Variants in KCNN2 observed in about 807,000 individuals in gnomAD.
The protein encoded by KCNN2 is potassium calcium-activated channel subfamily N member 2, also known as small conductance calcium-activated potassium channel protein 2.
Under a neutral mutation model 55.5 loss-of-function variants are expected in KCNN2, and 24 were observed. That is an observed-to-expected ratio of 0.43 (90% confidence interval 0.31 to 0.61). KCNN2 has a LOEUF of 0.61. Ranked by LOEUF, KCNN2 falls within the 20% of genes least tolerant of loss-of-function variation. The pLI is 0.08. For missense variants in KCNN2, 754 were observed against 853.6 expected (o/e 0.88, Z 1.45); for synonymous variants, 431 against 336.1 (o/e 1.28, Z -3.09).
At chr5:114,321,475 A>G (rs529770960) in intron 2 of KCNN2, among the ~76,000 whole-genome samples, 12 of 152,290 alleles carry the variant, frequency 7.9e-5, no homozygotes, top group South Asian at 6.2e-4. Context: ...TCTTTTGTCT[A>G]TAAGTAGCTC....
chr5:114,073,014 G>A (rs1750608528), intron 1 of KCNN2, among the ~76,000 whole-genome samples: 2 of 152,184 alleles, frequency 1.3e-5, no homozygotes, highest in East Asian at 1.9e-4. Flanking sequence ...ATTTTTCTCT[G>A]GTCATTCATG....
chr5:114,301,421 G>T (rs190843136), intron 2 of KCNN2, among the ~76,000 whole-genome samples: 1 of 152,090 alleles, frequency 6.6e-6, no homozygotes, highest in African/African-American at 2.4e-5. Flanking sequence ...CCTCCCGAGC[G>T]CATGTTTCTT....
intron 1 of KCNN2, among the ~76,000 whole-genome samples, chr5:114,082,373 A>G (rs2112542318): frequency 6.6e-6 from 1 of 152,252 alleles, no homozygotes; most frequent in East Asian, 1.9e-4. Context: ...TCACTAGGGA[A>G]ATGTGAATCA....
chr5:114,209,007 C>G (rs1271016454), intron 1 of KCNN2, among the ~76,000 whole-genome samples: 1 of 151,948 alleles, frequency 6.6e-6, no homozygotes, highest in Non-Finnish European at 1.5e-5. Flanking sequence ...ATCACATTCA[C>G]TCCTTATCTT....
chr5:114,372,863 A>C (rs992297082), intron 2 of KCNN2, among the ~76,000 whole-genome samples: 6 of 152,148 alleles, frequency 3.9e-5, no homozygotes, highest in East Asian at 3.8e-4. Flanking sequence ...TTATGTAGAT[A>C]TAATCAATTT....
chr5:114,448,387 G>T (rs1456043760), intron 3 of KCNN2, among the ~76,000 whole-genome samples: 2 of 152,180 alleles, frequency 1.3e-5, no homozygotes, highest in Admixed American at 6.5e-5. Context: ...TCACTACACT[G>T]TGCTCCTCCT....
intron 2 of KCNN2, among the ~76,000 whole-genome samples, chr5:114,376,701 C>G (rs1757958806): frequency 6.6e-6 from 1 of 152,120 alleles, no homozygotes; most frequent in South Asian, 2.1e-4. Context: ...GATTTTTAAT[C>G]TTTTTCTTAA....
intron 2 of KCNN2, among the ~76,000 whole-genome samples, chr5:114,399,037 T>G (rs973608324): frequency 5.9e-5 from 9 of 152,210 alleles, no homozygotes; most frequent in African/African-American, 2.2e-4. Flanking sequence ...ATTTTATTTC[T>G]TTCTCTTACA....
chr5:114,195,376 G>T (rs1580608608), intron 1 of KCNN2, among the ~76,000 whole-genome samples: 1 of 151,874 alleles, frequency 6.6e-6, no homozygotes, highest in Admixed American at 6.6e-5. Context: ...AACAATATTT[G>T]TAGTTTTAAG....
At position 114,348,934 on chromosome 5, in the gene KCNN2, A is replaced by T. The variant is rs1392227407; in HGVS notation, c.-184-12011A>T. On this transcript the variant is annotated intron_variant, in intron 2 of 10. Transcript: ENST00000512097. The stretch of plus-strand genomic sequence containing the variant: ...TTTACATACACCATACAATCTACCC[A>T]TTTAAAGTGTATAAATCAATAGTTT... Among the ~76,000 whole-genome samples, 4 of 152,256 alleles carry T rather than the reference A, an allele frequency of 2.6e-5. No individual in the cohort carries two copies. In the East Asian group the frequency reaches 7.7e-4, roughly 29 times the overall value.
intron 1 of KCNN2, among the ~76,000 whole-genome samples, chr5:114,179,432 TC>T (rs1355556220): frequency 6.6e-6 from 1 of 152,158 alleles, no homozygotes; most frequent in Non-Finnish European, 1.5e-5. Context: ...CAAGAGTACC[TC>T]CACTTTTCCT....
chr5:114,075,443 A>G (rs1323905988), intron 1 of KCNN2, among the ~76,000 whole-genome samples: 1 of 152,196 alleles, frequency 6.6e-6, no homozygotes, highest in Non-Finnish European at 1.5e-5. Context: ...AGACTCACAA[A>G]TTTCATTTCT....
chr5:114,145,974 A>G (rs1427293668), intron 1 of KCNN2, among the ~76,000 whole-genome samples: 1 of 151,728 alleles, frequency 6.6e-6, no homozygotes, highest in African/African-American at 2.4e-5. Flanking sequence ...TTTTCAGCAA[A>G]TTTCTCTGTC....
At chr5:114,366,285 A>G (rs868664727) in intron 2 of KCNN2, among the ~76,000 whole-genome samples, 2 of 152,242 alleles carry the variant, frequency 1.3e-5, no homozygotes, top group African/African-American at 4.8e-5. Flanking sequence ...ACTGTTGGTC[A>G]ACATAAACGT....
At chr5:114,150,061 G>C (rs1290207481) in intron 1 of KCNN2, among the ~76,000 whole-genome samples, 2 of 152,134 alleles carry the variant, frequency 1.3e-5, no homozygotes, top group African/African-American at 4.8e-5. Flanking sequence ...CTGCATGTCC[G>C]TTCATAGGCT....
intron 3 of KCNN2, among the ~76,000 whole-genome samples, chr5:114,449,908 A>ACACACACACACACACACACG: frequency 1.5e-5 from 1 of 66,186 alleles, no homozygotes; most frequent in African/African-American, 3.5e-5. Flanking sequence ...ACACACACAC[A>ACACACACACACACACACACG]CGCGCGCGCT....
chr5:114,281,660 T>C (rs939260323), intron 2 of KCNN2, among the ~76,000 whole-genome samples: 30 of 152,110 alleles, frequency 2.0e-4, no homozygotes, highest in African/African-American at 7.2e-4. Context: ...TATGTGTGCA[T>C]TTGTGTGTAT....
intron 5 of KCNN2, among the ~76,000 whole-genome samples, chr5:114,478,497 T>A (rs1429468936): frequency 6.6e-6 from 1 of 151,528 alleles, no homozygotes; most frequent in East Asian, 1.9e-4. Context: ...CCAGGAGAAT[T>A]TCCTCAGCCT....
intron 1 of KCNN2, among the ~76,000 whole-genome samples, chr5:114,160,828 C>G (rs888271987): frequency 6.6e-6 from 1 of 151,988 alleles, no homozygotes. Flanking sequence ...GATTGCAACC[C>G]CTGCCTTTTT....
Sources: gnomAD v4.1 joint callset for allele counts (sites outside exome capture counted in the v4.1 genomes callset) on GRCh38, gnomAD v4.1.1 for gene constraint, MANE v1.5 for transcripts, NCBI Gene and HGNC (gene_info 2026-07-23, HGNC 2026-07-21) for gene names.